RARB: variants seen among roughly 807,000 people sequenced by gnomAD.
RARB encodes the protein HBV-activated protein.
RARB carries 17 observed loss-of-function variants against 51.9 expected under a neutral mutation model. That is an observed-to-expected ratio of 0.33 (90% CI 0.22 to 0.49). RARB has a LOEUF of 0.49. Among genes scored for constraint, RARB ranks in the 20% least tolerant of loss-of-function variants. RARB has a pLI of 0.99. For synonymous variants in RARB, 215 were observed against 195.4 expected (o/e 1.10, Z -0.84); for missense variants, 369 against 550.8 (o/e 0.67, Z 3.30).
intron 3 of RARB, among the ~76,000 whole-genome samples, chr3:25,506,687 A>G (rs1012913863): frequency 1.9e-4 from 29 of 152,394 alleles, no homozygotes; most frequent in African/African-American, 6.7e-4. Context: ...GTAGCCATGG[A>G]AAATATAAAC....
chr3:25,498,507 A>C (rs1256663513), intron 2 of RARB, among the ~76,000 whole-genome samples: 1 of 152,188 alleles, frequency 6.6e-6, no homozygotes, highest in Non-Finnish European at 1.5e-5. Flanking sequence ...CTTCTCCTGA[A>C]ATCCAGCCAA....
intron 2 of RARB, among the ~76,000 whole-genome samples, chr3:24,922,937 G>A (rs79717129): frequency 6.6e-6 from 1 of 152,228 alleles, no homozygotes; most frequent in South Asian, 2.1e-4. Context: ...ACATTTATGA[G>A]AAAAGTAATT....
chr3:25,556,654 A>G (rs971000310), intron 3 of RARB, among the ~76,000 whole-genome samples: 1 of 152,182 alleles, frequency 6.6e-6, no homozygotes, highest in Non-Finnish European at 1.5e-5. Flanking sequence ...CTCATGTGCA[A>G]CTTGGGAAGT....
chr3:25,100,508 A>G (rs1699379468), intron 3 of RARB, among the ~76,000 whole-genome samples: 1 of 152,210 alleles, frequency 6.6e-6, no homozygotes, highest in Admixed American at 6.5e-5. Context: ...TAGAGCCTGA[A>G]GTATAGCCAG....
chr3:25,554,724 A>G (rs1238478987), intron 3 of RARB, among the ~76,000 whole-genome samples: 1 of 152,146 alleles, frequency 6.6e-6, no homozygotes, highest in African/African-American at 2.4e-5. Context: ...TTGAAACTGG[A>G]TAATTCATAA....
chr3:25,053,217 G>GA (rs1424076452), intron 2 of RARB, among the ~76,000 whole-genome samples: 18 of 152,166 alleles, frequency 1.2e-4, no homozygotes, highest in African/African-American at 4.3e-4. Flanking sequence ...GACAAGGTTT[G>GA]ATGGTGGTAA....
intron 5 of RARB, among the ~76,000 whole-genome samples, chr3:25,316,874 G>A (rs1332103767): frequency 6.6e-6 from 1 of 152,108 alleles, no homozygotes. Context: ...ATTCAAGAAG[G>A]AACTCTAAGA....
At chr3:25,553,103 A>G (rs1699913844) in intron 3 of RARB, among the ~76,000 whole-genome samples, 1 of 152,058 alleles carries the variant, frequency 6.6e-6, no homozygotes, top group African/African-American at 2.4e-5. Flanking sequence ...AAGTACTTAC[A>G]TATTCAAAAT....
At chr3:25,353,584 A>ATTTT (rs3035062) in intron 5 of RARB, among the ~76,000 whole-genome samples, 6 of 144,912 alleles carry the variant, frequency 4.1e-5, no homozygotes, top group Non-Finnish European at 4.6e-5. Flanking sequence ...TGCTGCTGAG[A>ATTTT]TTTTTTTTTT....
intron 3 of RARB, among the ~76,000 whole-genome samples, chr3:25,502,444 G>A (rs1196502742): frequency 2.0e-5 from 3 of 152,138 alleles, no homozygotes; most frequent in African/African-American, 7.2e-5. Context: ...GGGAGCTATT[G>A]CTCAGGGATT....
intron 3 of RARB, among the ~76,000 whole-genome samples, chr3:25,072,389 C>A (rs1441299634): frequency 1.3e-5 from 2 of 152,026 alleles, no homozygotes; most frequent in Admixed American, 6.6e-5. Flanking sequence ...ACTCTGTAAC[C>A]CCATGGTGGA....
chr3:25,153,055 A>C (rs1243360055), intron 4 of RARB, among the ~76,000 whole-genome samples: 1 of 152,032 alleles, frequency 6.6e-6, no homozygotes, highest in Non-Finnish European at 1.5e-5. Flanking sequence ...ATTGATAAGC[A>C]CTCTTCATTA....
chr3:25,437,477 C>T (rs1175470765), intron 1 of RARB, among the ~76,000 whole-genome samples: 1 of 152,062 alleles, frequency 6.6e-6, no homozygotes, highest in Non-Finnish European at 1.5e-5. Flanking sequence ...TGGGGGACAC[C>T]AAGATGAATC....
chr3:25,573,308 C>T (rs1308326527), intron 4 of RARB, among the ~76,000 whole-genome samples: 1 of 152,166 alleles, frequency 6.6e-6, no homozygotes, highest in Non-Finnish European at 1.5e-5. Context: ...CTGCAGGCCT[C>T]CAGGGCCCTT....
chr3:25,420,225 AT>A (rs1270587021), intron 5 of RARB, among the ~76,000 whole-genome samples: 1 of 151,840 alleles, frequency 6.6e-6, no homozygotes, highest in African/African-American at 2.4e-5. Context: ...TGAGCTTTTT[AT>A]TTGCCTTTTT....
rs115770077 is a variant in RARB at position 24,946,906 on chromosome 3, C to T, written c.-380+88154C>T. ...AGCAAGGCTCATGGAAAAAACAGAA[C>T]AGACCACTCAAAAGATAGGCATGAA... On this transcript the variant is annotated intron_variant, in intron 2 of 11. Coordinates refer to the RARB transcript ENST00000383772. Among the ~76,000 whole-genome samples, 295 of 152,252 alleles carry T rather than the reference C, an allele frequency of 1.9e-3. 1 individual carries two copies. Among genetic ancestry groups the T allele is most frequent in the African/African-American group, 6.2e-3 (259 of 41,550 alleles).
intron 2 of RARB, among the ~76,000 whole-genome samples, chr3:24,903,657 C>T (rs1049848878): frequency 6.6e-6 from 1 of 152,162 alleles, no homozygotes; most frequent in African/African-American, 2.4e-5. Flanking sequence ...TGTCCAATAC[C>T]CAGCATGGTG....
intron 3 of RARB, among the ~76,000 whole-genome samples, chr3:25,520,665 G>A (rs1698363382): frequency 1.3e-5 from 2 of 152,138 alleles, no homozygotes; most frequent in South Asian, 4.1e-4. Flanking sequence ...AATGTAAGTG[G>A]TGACACTAGC....
At chr3:24,918,081 C>T (rs1192565856) in intron 2 of RARB, among the ~76,000 whole-genome samples, 1 of 152,224 alleles carries the variant, frequency 6.6e-6, no homozygotes, top group Non-Finnish European at 1.5e-5. Flanking sequence ...CATACATCCA[C>T]ACAAAGGCCT....
Sources: allele counts gnomAD v4.1 joint callset (sites outside exome capture counted in the v4.1 genomes callset), GRCh38; gene constraint gnomAD v4.1.1; transcripts MANE v1.5; gene names NCBI Gene and HGNC (gene_info 2026-07-23, HGNC 2026-07-21).